SLC8A1: variants seen among roughly 807,000 people sequenced by gnomAD.
SLC8A1 encodes the protein solute carrier family 8 member A1, also known as sodium/calcium exchanger 1.
Under a neutral mutation model 68.3 loss-of-function variants are expected in SLC8A1, and 18 were observed. The ratio of observed to expected loss-of-function variants is 0.26; its 90% CI spans 0.18 to 0.39. The LOEUF is 0.39. Among genes scored for constraint, SLC8A1 ranks in the 10% least tolerant of loss-of-function variants. The pLI is 1.00. For missense variants in SLC8A1, 985 were observed against 1,156.7 expected, an observed-to-expected ratio of 0.85 and a Z score of 2.15; for synonymous variants, 475 against 415.5, an observed-to-expected ratio of 1.14 and a Z score of -1.74.
intron 2 of SLC8A1, among the ~76,000 whole-genome samples, chr2:40,297,424 C>T (rs996668745): frequency 5.9e-5 from 9 of 152,134 alleles, no homozygotes; most frequent in Admixed American, 1.3e-4. Flanking sequence ...CTCTTTCAGG[C>T]ATAAAATCCT....
At position 40,171,816 on chromosome 2, in the gene SLC8A1, G is replaced by T. The variant is rs148180738; in HGVS notation, c.1930+3009C>A. On this transcript the variant is annotated intron_variant, in intron 4 of 7. Transcript: ENST00000406785. Reference sequence around the variant, plus strand: ...TGTTACCTTGTCGTATGACTGGAAGGTCAAGGGGGAATGAGATCATAGGCC... The same window carrying T: ...TGTTACCTTGTCGTATGACTGGAAGTTCAAGGGGGAATGAGATCATAGGCC... Among the ~76,000 whole-genome samples, 4 of 152,328 alleles carry T rather than the reference G, an allele frequency of 2.6e-5. No homozygotes were observed. In the East Asian group the frequency reaches 5.8e-4, roughly 22 times the overall value.
rs771047294 is a variant in SLC8A1, at chr2:40,414,252, G to C, written c.1808+14221C>G. Among the ~76,000 whole-genome samples the C allele has an allele frequency of 1.9e-4, 29 of 152,112 alleles. 1 individual carries two copies. The highest frequency in any genetic ancestry group is 7.2e-4 in the Admixed American group (11 of 15,244). On this transcript the variant is annotated intron_variant, in intron 2 of 7. Transcript: ENST00000406785. Reference sequence around the variant, plus strand: ...ACAGTATCTTAAGACCAAAACTCTGGGAACTGTTGAGATTCTGGCCACAAA... The same window carrying C: ...ACAGTATCTTAAGACCAAAACTCTGCGAACTGTTGAGATTCTGGCCACAAA...
At chr2:40,412,610 C>A (rs1692505609) in intron 2 of SLC8A1, among the ~76,000 whole-genome samples, 1 of 152,142 alleles carries the variant, frequency 6.6e-6, no homozygotes, top group South Asian at 2.1e-4. Context: ...TGAGGCACTA[C>A]TGACTGTATA....
intron 2 of SLC8A1, among the ~76,000 whole-genome samples, chr2:40,289,650 A>G (rs770410045): frequency 1.6e-4 from 24 of 152,068 alleles, no homozygotes; most frequent in Non-Finnish European, 2.6e-4. Context: ...CAGGAGTTGG[A>G]GACCAGCCTG....
chr2:40,399,101 G>A (rs1447012668), intron 2 of SLC8A1, among the ~76,000 whole-genome samples: 1 of 152,102 alleles, frequency 6.6e-6, no homozygotes, highest in African/African-American at 2.4e-5. Flanking sequence ...CATTTTCATG[G>A]TCATATAAGA....
intron 2 of SLC8A1, among the ~76,000 whole-genome samples, chr2:40,290,106 T>C (rs2069027122): frequency 6.6e-6 from 1 of 152,078 alleles, no homozygotes; most frequent in Non-Finnish European, 1.5e-5. Flanking sequence ...TTGCTTATTA[T>C]TTAGTCTCAG....
chr2:40,282,378 G>A (rs1374770886), intron 2 of SLC8A1, among the ~76,000 whole-genome samples: 1 of 152,126 alleles, frequency 6.6e-6, no homozygotes, highest in African/African-American at 2.4e-5. Context: ...CACTCAGCAA[G>A]GGTAAAGACT....
Position 40,484,215 on chromosome 2 carries a change from C to T in SLC8A1, c.-25+28134G>A, listed in dbSNP as rs1435832973. The stretch of plus-strand genomic sequence containing the variant: ...ATCATTAGTCAGATGAGTATTACAG[C>T]TTTTCCTTTGAGACTGTGTTGACAG... On this transcript the variant is annotated intron_variant, in intron 1 of 7. Transcript: ENST00000402441. Among the ~76,000 whole-genome samples the T allele has an allele frequency of 2.0e-5, 3 of 152,200 alleles. No individual in the cohort carries two copies. In the South Asian group the frequency reaches 6.2e-4, roughly 31 times the overall value.
intron 3 of SLC8A1, 41 bp from the exon 4 acceptor site, chr2:40,175,322 C>G (rs906739987): frequency 6.3e-7 from 1 of 1,592,574 alleles, no homozygotes; most frequent in Non-Finnish European, 8.6e-7. Flanking sequence ...GAATAAGAGA[C>G]CAGATGAATA....
intron 1 of SLC8A1, among the ~76,000 whole-genome samples, chr2:40,481,081 T>C (rs1193253600): frequency 6.6e-6 from 1 of 152,208 alleles, no homozygotes; most frequent in African/African-American, 2.4e-5. Context: ...CGCAAAGTCA[T>C]TTTACAAAAG....
rs151139902 is a variant in SLC8A1 at position 40,312,339 on chromosome 2, C to A, written c.1808+116134G>T. Among the ~76,000 whole-genome samples the A allele has an allele frequency of 5.9e-5, 9 of 152,156 alleles. No individual in the cohort carries two copies. The South Asian group carries it at 1.2e-3, about 21-fold the overall frequency. On this transcript the variant is annotated intron_variant, in intron 2 of 7. Transcript: ENST00000406785. ...ACAAACTACCAGGGTCATCGTGATG[C>A]GCAACTGTGAGGGGTACTATTTTCA...
chr2:40,183,439 T>C (rs534532497), intron 2 of SLC8A1, among the ~76,000 whole-genome samples: 130 of 152,306 alleles, frequency 8.5e-4, no homozygotes, highest in Non-Finnish European at 1.3e-3. Flanking sequence ...CTTTAAAAAG[T>C]TAAATCATTG....
intron 2 of SLC8A1, among the ~76,000 whole-genome samples, chr2:40,215,298 C>T (rs1037416938): frequency 3.4e-4 from 52 of 151,954 alleles, no homozygotes; most frequent in African/African-American, 1.2e-3. Context: ...TCCTAGTAGC[C>T]GGGTCTAAAG....
At chr2:40,441,675 C>T (rs1399739770) in intron 1 of SLC8A1, among the ~76,000 whole-genome samples, 1 of 152,094 alleles carries the variant, frequency 6.6e-6, no homozygotes, top group Non-Finnish European at 1.5e-5. Flanking sequence ...GAAAGGATTC[C>T]CTACTTAATA....
intron 1 of SLC8A1, among the ~76,000 whole-genome samples, chr2:40,488,494 AG>A (rs1559765516): frequency 6.6e-6 from 1 of 151,762 alleles, no homozygotes; most frequent in Non-Finnish European, 1.5e-5. Context: ...GTGTATTTTA[AG>A]CCCATTTAGC....
At chr2:40,195,762 C>A (rs2052855324) in intron 2 of SLC8A1, 1 of 151,958 alleles carries the variant, frequency 6.6e-6, no homozygotes, top group Non-Finnish European at 1.5e-5. Context: ...CATAACAGAT[C>A]TGGAGTGAAG....
At chr2:40,135,189 T>C (rs2040256965) in intron 7 of SLC8A1, among the ~76,000 whole-genome samples, 1 of 152,206 alleles carries the variant, frequency 6.6e-6, no homozygotes, top group South Asian at 2.1e-4. Flanking sequence ...TTGGTCTTGG[T>C]AAGACAGAGT....
At chr2:40,173,109 A>G (rs575736472) in intron 4 of SLC8A1, among the ~76,000 whole-genome samples, 5 of 152,294 alleles carry the variant, frequency 3.3e-5, no homozygotes, top group East Asian at 3.9e-4. Flanking sequence ...CACTATTTCT[A>G]TAATGGTTGA....
intron 2 of SLC8A1, among the ~76,000 whole-genome samples, chr2:40,349,648 T>C (rs573618364): frequency 2.6e-5 from 4 of 152,268 alleles, no homozygotes; most frequent in South Asian, 2.1e-4. Context: ...GTGCCTGGCA[T>C]GTAAGAAGTG....
Sources: allele counts gnomAD v4.1 joint callset (sites outside exome capture counted in the v4.1 genomes callset), GRCh38; gene constraint gnomAD v4.1.1; transcripts MANE v1.5; gene names NCBI Gene and HGNC (gene_info 2026-07-23, HGNC 2026-07-21).